The following LAMTOR4 variants were observed in gnomAD, a reference collection of about 807,000 sequenced individuals.
LAMTOR4 encodes the protein ragulator complex protein LAMTOR4.
Under a neutral mutation model 13.5 loss-of-function variants are expected in LAMTOR4, and 11 were observed. That is an observed-to-expected ratio of 0.82 (90% confidence interval 0.51 to 1.35). LAMTOR4 has a LOEUF of 1.35. Ranked by LOEUF, LAMTOR4 falls within the 40% of genes most tolerant of loss-of-function variation. The pLI is 0.00. For synonymous variants in LAMTOR4, 69 were observed against 52.3 expected (o/e 1.32, Z -1.38); for missense variants, 128 against 126.2 (o/e 1.01, Z -0.07).
chr7:100,152,317 G>C (rs895162581), intron 2 of LAMTOR4, among the ~76,000 whole-genome samples: 4 of 152,090 alleles, frequency 2.6e-5, no homozygotes, highest in Admixed American at 2.0e-4. Context: ...CAGGAGAATT[G>C]CTTGAACCCA....
At position 100,154,053 on chromosome 7, in the gene LAMTOR4, T is replaced by C. The variant is rs899988317; in HGVS notation, c.*89T>C. On this transcript the variant is annotated 3_prime_UTR_variant, in exon 4 of 4. Transcript: ENST00000341942. ...ACACCTGTCGGTCTTGGCTTGCTGC[T>C]AGAACTAGGGCCTTCTGCTCGCCCA... is the stretch of plus-strand genomic sequence containing the variant. 8.0e-6 allele frequency: 8 copies of C among 1,006,236 alleles called. No homozygotes were observed. The African/African-American group carries it at 9.6e-5, about 12-fold the overall frequency. 62.3% of individuals were successfully genotyped at this position (1,006,236 alleles called of 1,614,324 possible).
chr7:100,149,774 T>G, intron 2 of LAMTOR4, 195 bp downstream of exon 2: 1 of 485,672 alleles, frequency 2.1e-6, no homozygotes, highest in Non-Finnish European at 3.8e-6. Flanking sequence ...CGGCTGCGAT[T>G]TATTTATTTA....
In LAMTOR4 at chr7:100,148,941, G is replaced by A. The variant is rs754941775; in HGVS notation, c.-32G>A. On this transcript the variant is annotated 5_prime_UTR_variant, in exon 1 of 4. Coordinates refer to ENST00000341942, the MANE Select transcript of LAMTOR4 (RefSeq NM_001008395.4). ...GCCTGAAGCCGGAAGCTACCTATCT[G>A]GTAGGGAGCTCCCCCAGCACCGAAG... 1.6e-5 allele frequency: 25 copies of A among 1,612,116 alleles called. No homozygotes were observed. In the Admixed American group the frequency reaches 4.2e-4, roughly 27 times the overall value.
intron 2 of LAMTOR4, among the ~76,000 whole-genome samples, chr7:100,151,000 A>C (rs558259011): frequency 9.9e-5 from 15 of 151,704 alleles, no homozygotes; most frequent in African/African-American, 2.9e-4. Context: ...AAAAAAACAA[A>C]AAAAAAAAGA....
Position 100,153,328 on chromosome 7 carries a change from G to T in LAMTOR4, c.85-72G>T, listed in dbSNP as rs933140888. 2.8e-6 allele frequency: 3 copies of T among 1,066,610 alleles called. No individual in the cohort carries two copies. The African/African-American group carries it at 4.6e-5, about 17-fold the overall frequency. The allele number at this position is 1,066,610 out of a possible 1,614,324, so 66.1% of individuals were successfully genotyped here. On this transcript the variant is annotated intron_variant, in intron 2 of 3. Coordinates refer to ENST00000341942, the MANE Select transcript of LAMTOR4 (RefSeq NM_001008395.4). Reference sequence around the variant, plus strand: ...AGGGTCTAAGTGTGAGAACCAAGGGGACTGTGCCTGGAATTCCTTCCTGAG... The same window carrying T: ...AGGGTCTAAGTGTGAGAACCAAGGGTACTGTGCCTGGAATTCCTTCCTGAG...
At chr7:100,153,841 C>T (rs373888710) in intron 3 of LAMTOR4, 26 bp from the exon 4 acceptor site, 38 of 1,474,602 alleles carry the variant, frequency 2.6e-5, no homozygotes, top group African/African-American at 8.3e-5. Context: ...TCTCCTGGGG[C>T]GGGGGAAGGT....
intron 2 of LAMTOR4, 67 bp downstream of exon 2, chr7:100,149,646 CCTT>C: frequency 1.7e-6 from 2 of 1,207,618 alleles, no homozygotes; most frequent in Non-Finnish European, 1.2e-6. Context: ...TAATATTGGC[CCTT>C]CTTTTCTCGG....
At chr7:100,150,266 C>A (rs1015058539) in intron 2 of LAMTOR4, among the ~76,000 whole-genome samples, 1 of 152,104 alleles carries the variant, frequency 6.6e-6, no homozygotes, top group African/African-American at 2.4e-5. Flanking sequence ...TAGGTAGAGA[C>A]AAAGCTTAAG....
Position 100,153,716 on chromosome 7 carries a change from C to T in LAMTOR4, c.203-151C>T, listed in dbSNP as rs540810257. 17 of 752,632 alleles carry T rather than the reference C, an allele frequency of 2.3e-5. No individual in the cohort carries two copies. The East Asian group carries it at 3.2e-4, about 14-fold the overall frequency. 46.6% of individuals were successfully genotyped at this position (752,632 alleles called of 1,614,324 possible). A position where few individuals can be genotyped will look rare whatever the true frequency, so the allele number is the denominator to read the frequency against. On this transcript the variant is annotated intron_variant, in intron 3 of 3. Coordinates refer to ENST00000341942, the MANE Select transcript of LAMTOR4 (RefSeq NM_001008395.4). ...AGGAGATCTAGCAGAGGCCACTCAT[C>T]TTCAAATCTCTGAGCCTGGAACTAT...
intron 3 of LAMTOR4, 45 bp from the exon 4 acceptor site, chr7:100,153,822 T>TC (rs1562950498): frequency 7.3e-7 from 1 of 1,372,188 alleles, no homozygotes; most frequent in East Asian, 2.5e-5. Flanking sequence ...AACTCTGTGC[T>TC]CCCTTCCCTC....
chr7:100,153,318 G>A, intron 2 of LAMTOR4, 82 bp from the exon 3 acceptor site: 2 of 997,418 alleles, frequency 2.0e-6, no homozygotes, highest in Non-Finnish European at 1.5e-6. Context: ...CTAAGTGTGA[G>A]AACCAAGGGG....
chr7:100,151,123 G>A (rs138006562), intron 2 of LAMTOR4, among the ~76,000 whole-genome samples: 2,010 of 151,798 alleles, frequency 0.013, 50 homozygotes, highest in African/African-American at 0.045. Context: ...GGCCCAGGCT[G>A]GAGTGCAGTG....
At chr7:100,149,008 C>A (rs374360379) in intron 1 of LAMTOR4, 33 bp downstream of exon 1, 3 of 1,604,400 alleles carry the variant, frequency 1.9e-6, no homozygotes, top group Non-Finnish European at 2.5e-6. Flanking sequence ...GAGGACCCGC[C>A]GGGGGTTCAG....
chr7:100,153,745 A>C, intron 3 of LAMTOR4, 122 bp from the exon 4 acceptor site: 1 of 792,798 alleles, frequency 1.3e-6, no homozygotes, highest in Non-Finnish European at 2.2e-6. Flanking sequence ...GAACTATAGA[A>C]CTTCTTTGGC....
chr7:100,150,364 A>G (rs1348303354), intron 2 of LAMTOR4, among the ~76,000 whole-genome samples: 1 of 152,220 alleles, frequency 6.6e-6, no homozygotes, highest in Non-Finnish European at 1.5e-5. Context: ...AAGGTAACTA[A>G]CTTTCCGGGA....
At chr7:100,152,987 T>C (rs1052273864) in intron 2 of LAMTOR4, among the ~76,000 whole-genome samples, 9 of 152,084 alleles carry the variant, frequency 5.9e-5, no homozygotes, top group African/African-American at 2.2e-4. Flanking sequence ...ACCCCGTCTC[T>C]ACTAAAAATA....
chr7:100,151,481 C>T (rs576263031), intron 2 of LAMTOR4, among the ~76,000 whole-genome samples: 3 of 151,944 alleles, frequency 2.0e-5, no homozygotes, highest in Non-Finnish European at 2.9e-5. Context: ...CTCCGCCTCC[C>T]GGGTTCACGC....
intron 1 of LAMTOR4, 26 bp downstream of exon 1, chr7:100,149,001 G>T: frequency 6.2e-7 from 1 of 1,606,440 alleles, no homozygotes; most frequent in Non-Finnish European, 8.5e-7. Flanking sequence ...TGCGCGAGAG[G>T]ACCCGCCGGG....
chr7:100,152,097 C>T (rs1216087692), intron 2 of LAMTOR4, among the ~76,000 whole-genome samples: 1 of 152,132 alleles, frequency 6.6e-6, no homozygotes, highest in Non-Finnish European at 1.5e-5. Context: ...AACTCTAAAG[C>T]CTGGAAGAGT....
Sources: allele counts gnomAD v4.1 joint callset (sites outside exome capture counted in the v4.1 genomes callset), GRCh38; gene constraint gnomAD v4.1.1; transcripts MANE v1.5; gene names NCBI Gene and HGNC (gene_info 2026-07-23, HGNC 2026-07-21).